KCNIP4: variants seen among roughly 807,000 people sequenced by gnomAD.
KCNIP4 encodes potassium voltage-gated channel interacting protein 4.
A neutral mutation model predicts 34.0 loss-of-function variants in KCNIP4; 12 were observed. The ratio of observed to expected loss-of-function variants is 0.35; its 90% CI spans 0.23 to 0.57. KCNIP4 has a LOEUF of 0.57. Ranked by LOEUF, KCNIP4 falls within the 20% of genes least tolerant of loss-of-function variation. The pLI is 0.83. For missense variants in KCNIP4, 238 were observed against 311.7 expected (o/e 0.76, Z 1.78); for synonymous variants, 124 against 102.2 (o/e 1.21, Z -1.29).
At chr4:20,945,919 A>G (rs1242524438) in intron 1 of KCNIP4, among the ~76,000 whole-genome samples, 4 of 152,180 alleles carry the variant, frequency 2.6e-5, no homozygotes, top group Non-Finnish European at 1.5e-5. Flanking sequence ...AGTCGCTCAA[A>G]TCAACTATAG....
chr4:21,554,473 G>C (rs1252663809), intron 1 of KCNIP4, among the ~76,000 whole-genome samples: 1 of 152,044 alleles, frequency 6.6e-6, no homozygotes, highest in Non-Finnish European at 1.5e-5. Context: ...AGATTTAAGT[G>C]GTATTATAAT....
chr4:21,142,585 T>C (rs1752054243), intron 1 of KCNIP4, among the ~76,000 whole-genome samples: 1 of 152,156 alleles, frequency 6.6e-6, no homozygotes, highest in African/African-American at 2.4e-5. Flanking sequence ...TGAGAGCTCC[T>C]GGATGTGTGA....
intron 1 of KCNIP4, among the ~76,000 whole-genome samples, chr4:20,926,586 C>T (rs140162167): frequency 6.6e-6 from 1 of 152,302 alleles, no homozygotes; most frequent in Non-Finnish European, 1.5e-5. Flanking sequence ...AAATCAACCA[C>T]TGCAGAACTC....
At chr4:21,045,820 A>G (rs1320125251) in intron 1 of KCNIP4, among the ~76,000 whole-genome samples, 1 of 152,214 alleles carries the variant, frequency 6.6e-6, no homozygotes, top group East Asian at 1.9e-4. Context: ...GCCATTTATT[A>G]AGTACTTTTC....
intron 1 of KCNIP4, among the ~76,000 whole-genome samples, chr4:21,205,200 A>G (rs1463002371): frequency 6.6e-6 from 1 of 152,190 alleles, no homozygotes; most frequent in African/African-American, 2.4e-5. Flanking sequence ...CTTAGCAAAC[A>G]TCCATTTAAT....
intron 1 of KCNIP4, among the ~76,000 whole-genome samples, chr4:20,982,922 C>T (rs982424955): frequency 1.3e-5 from 2 of 152,168 alleles, no homozygotes; most frequent in African/African-American, 4.8e-5. Context: ...GCAAGTATCT[C>T]ATGGACGTCA....
chr4:21,287,505 ATTT>A (rs1470131776), intron 1 of KCNIP4, among the ~76,000 whole-genome samples: 1 of 152,228 alleles, frequency 6.6e-6, no homozygotes, highest in Non-Finnish European at 1.5e-5. Context: ...ATGTTAACTC[ATTT>A]AATTATCATA....
intron 1 of KCNIP4, among the ~76,000 whole-genome samples, chr4:21,069,143 ATAG>A (rs1469583206): frequency 3.3e-5 from 5 of 152,210 alleles, no homozygotes; most frequent in African/African-American, 1.2e-4. Context: ...GTAGCAATAA[ATAG>A]TAGTACAACC....
At chr4:21,594,890 G>A (rs1742509562) in intron 1 of KCNIP4, among the ~76,000 whole-genome samples, 1 of 151,882 alleles carries the variant, frequency 6.6e-6, no homozygotes, top group Non-Finnish European at 1.5e-5. Context: ...CATTCCATTT[G>A]GAATATTATG....
chr4:21,661,293 G>C (rs1036610452), intron 1 of KCNIP4, among the ~76,000 whole-genome samples: 1 of 152,102 alleles, frequency 6.6e-6, no homozygotes, highest in Admixed American at 6.5e-5. Context: ...CTGGACACTG[G>C]ACAAGAATTT....
intron 1 of KCNIP4, among the ~76,000 whole-genome samples, chr4:21,293,179 G>A (rs1253162020): frequency 6.6e-6 from 1 of 152,072 alleles, no homozygotes; most frequent in African/African-American, 2.4e-5. Context: ...AATAATTAAT[G>A]GTTACATTCA....
intron 1 of KCNIP4, among the ~76,000 whole-genome samples, chr4:21,064,963 C>G (rs1185329678): frequency 6.6e-6 from 1 of 152,166 alleles, no homozygotes; most frequent in East Asian, 1.9e-4. Flanking sequence ...TAAATTATTG[C>G]CAATATTTAA....
intron 1 of KCNIP4, among the ~76,000 whole-genome samples, chr4:21,037,437 C>G (rs1238555062): frequency 2.0e-5 from 3 of 152,168 alleles, no homozygotes; most frequent in African/African-American, 7.2e-5. Flanking sequence ...TACACAAATA[C>G]TTACCACTGT....
chr4:21,757,267 GAAAAGAAA>G (rs1717719178), intron 1 of KCNIP4, among the ~76,000 whole-genome samples: 5 of 69,398 alleles, frequency 7.2e-5, no homozygotes, highest in South Asian at 3.1e-4. Context: ...GAAAAGAAAA[GAAAAGAAA>G]AGAAAAGAAA....
At chr4:20,873,975 C>T (rs1025895449) in intron 2 of KCNIP4, among the ~76,000 whole-genome samples, 3 of 152,262 alleles carry the variant, frequency 2.0e-5, no homozygotes, top group Middle Eastern at 3.4e-3. Context: ...AATATTAACT[C>T]TTTGTGAAAT....
chr4:21,609,434 G>T (rs941673640), intron 1 of KCNIP4, among the ~76,000 whole-genome samples: 8 of 152,056 alleles, frequency 5.3e-5, no homozygotes, highest in Non-Finnish European at 1.2e-4. Flanking sequence ...TCCTCACTTC[G>T]CATGAGTTAC....
intron 1 of KCNIP4, among the ~76,000 whole-genome samples, chr4:21,115,264 T>C (rs1749586667): frequency 6.6e-6 from 1 of 152,218 alleles, no homozygotes; most frequent in Admixed American, 6.5e-5. Context: ...GTTCATCATT[T>C]AGCTGCTATA....
rs146346890 is a variant in KCNIP4, at chr4:21,361,894, G to T, written c.62-479185C>A. Among the ~76,000 whole-genome samples, 487 of 152,168 alleles carry T rather than the reference G, an allele frequency of 3.2e-3. 2 individuals carry two copies. The highest frequency in any genetic ancestry group is 0.011 in the African/African-American group (470 of 41,528). On this transcript the variant is annotated intron_variant, in intron 1 of 8. Transcript: ENST00000382152. ...CAGGAATTTATACTGTCCTTCAGGAGTAAAGGCAGCTGTGAGCTCCAAATT... is the reference window on the plus strand; with the variant it reads ...CAGGAATTTATACTGTCCTTCAGGATTAAAGGCAGCTGTGAGCTCCAAATT...
At chr4:21,393,665 A>T (rs1460091212) in intron 1 of KCNIP4, among the ~76,000 whole-genome samples, 2 of 152,172 alleles carry the variant, frequency 1.3e-5, no homozygotes, top group African/African-American at 4.8e-5. Flanking sequence ...TTTAGAAATG[A>T]ATTTTTTTCA....
Sources: gnomAD v4.1 joint callset for allele counts (sites outside exome capture counted in the v4.1 genomes callset) on GRCh38, gnomAD v4.1.1 for gene constraint, MANE v1.5 for transcripts, NCBI Gene and HGNC (gene_info 2026-07-23, HGNC 2026-07-21) for gene names.